The following RFTN1 variants were observed in gnomAD, a reference collection of about 807,000 sequenced individuals.
RFTN1 encodes the protein raftlin.
A neutral mutation model predicts 46.5 loss-of-function variants in RFTN1; 26 were observed. The observed-to-expected ratio is 0.56, with a 90% CI of 0.41 to 0.78. The LOEUF is 0.78. Among genes scored for constraint, RFTN1 ranks in the 30% least tolerant of loss-of-function variants. RFTN1 has a pLI of 0.00. For missense variants in RFTN1, 693 were observed against 718.7 expected, an observed-to-expected ratio of 0.96 and a Z score of 0.41; for synonymous variants, 261 against 284.2, an observed-to-expected ratio of 0.92 and a Z score of 0.82.
chr3:16,323,203 T>C (rs1370285310), intron 9 of RFTN1, among the ~76,000 whole-genome samples, 173 bp downstream of exon 9: 1 of 152,176 alleles, frequency 6.6e-6, no homozygotes, highest in Non-Finnish European at 1.5e-5. Flanking sequence ...TCCCCTCAGC[T>C]GTCCCGTTTT....
intron 2 of RFTN1, among the ~76,000 whole-genome samples, chr3:16,492,405 A>G (rs978883523): frequency 6.6e-6 from 1 of 152,154 alleles, no homozygotes; most frequent in African/African-American, 2.4e-5. Context: ...CCCCATTCTA[A>G]TCTTCACAAC....
intron 4 of RFTN1, among the ~76,000 whole-genome samples, chr3:16,396,366 T>C (rs2074469767): frequency 6.6e-6 from 1 of 152,188 alleles, no homozygotes; most frequent in South Asian, 2.1e-4. Flanking sequence ...CTAGCTCAGC[T>C]AGTGCACCTC....
At position 16,434,000 on chromosome 3, in the gene RFTN1, G is replaced by A; in HGVS notation, c.183C>T (p.Ser61=). Residue 61 remains serine (S), a synonymous_variant, in exon 3 of 10, where the codon TCC becomes TCT. Transcript: ENST00000334133. The surrounding 1 kb of genome is among the most constrained non-coding windows in gnomAD (Gnocchi z 4.4). ...GGAGCTGGGCGGGCAGGTCACGCAGGGAGGCCAGCCTCACTGCTGAGGACC... is the reference window on the plus strand; with the variant it reads ...GGAGCTGGGCGGGCAGGTCACGCAGAGAGGCCAGCCTCACTGCTGAGGACC... ...LPGSSAVRLA[S]LRDLPAQLLE... 1.2e-6 allele frequency: 2 copies of A among 1,611,996 alleles called. No homozygotes were observed. The highest frequency in any genetic ancestry group is 2.7e-5 in the African/African-American group (2 of 75,010).
rs2070870645 is a variant in RFTN1 at position 16,336,568 on chromosome 3, T to G, written c.1147-9692A>C. Among the ~76,000 whole-genome samples the G allele has an allele frequency of 6.6e-6, 1 of 152,234 alleles. No individual in the cohort carries two copies. Among genetic ancestry groups the G allele is most frequent in the African/African-American group, 2.4e-5 (1 of 41,458 alleles). On this transcript the variant is annotated intron_variant, in intron 7 of 9. Transcript: ENST00000334133. This position sits in a 1 kb window ranked among gnomAD's most constrained non-coding sequence, Gnocchi z 6.0. ...TATGCACAATGCCCCAGAAAAACAT[T>G]TTGCTGATATGTAATCAGGACAACA...
At chr3:16,375,164 A>G (rs1342140503) in intron 5 of RFTN1, among the ~76,000 whole-genome samples, 1 of 152,086 alleles carries the variant, frequency 6.6e-6, no homozygotes, top group Admixed American at 6.6e-5. Flanking sequence ...CTCTGAGAGA[A>G]GGCAAGCTGG....
intron 4 of RFTN1, among the ~76,000 whole-genome samples, chr3:16,401,429 G>A (rs1442434471): frequency 1.3e-5 from 2 of 151,966 alleles, no homozygotes; most frequent in African/African-American, 2.4e-5. Context: ...GAAGGCCTCT[G>A]CCTGTTTTAT....
chr3:16,318,753 C>G (rs1383472509), intron 9 of RFTN1, among the ~76,000 whole-genome samples: 6 of 152,168 alleles, frequency 3.9e-5, no homozygotes, highest in Non-Finnish European at 8.8e-5. Flanking sequence ...CCCCAAAAAA[C>G]CCAAATGAGT....
chr3:16,455,396 G>A (rs1391951559), intron 2 of RFTN1, among the ~76,000 whole-genome samples: 3 of 152,158 alleles, frequency 2.0e-5, no homozygotes, highest in Non-Finnish European at 4.4e-5. Context: ...CAAATCCACT[G>A]GGAAGAGACT....
chr3:16,430,465 A>C (rs572652922), intron 3 of RFTN1, among the ~76,000 whole-genome samples: 3 of 152,042 alleles, frequency 2.0e-5, no homozygotes, highest in African/African-American at 7.2e-5. Context: ...TTTCCCCATA[A>C]TACAAAAAAA....
At position 16,383,656 on chromosome 3, in the gene RFTN1, A is replaced by G. The variant is rs1227494882; in HGVS notation, c.442-5554T>C. ...TAAGTGCGATATATACTCTATGTGC[A>G]TGCGAATATACGTATTTGTGATTTA... On this transcript the variant is annotated intron_variant, in intron 4 of 9. Coordinates refer to ENST00000334133, the MANE Select transcript of RFTN1 (RefSeq NM_015150.2). The surrounding 1 kb of genome is among the most constrained non-coding windows in gnomAD (Gnocchi z 4.0). Among the ~76,000 whole-genome samples, 2 of 152,240 alleles carry G rather than the reference A, an allele frequency of 1.3e-5. No homozygotes were observed. Among genetic ancestry groups the G allele is most frequent in the Non-Finnish European group, 2.9e-5 (2 of 68,046 alleles).
In RFTN1 at chr3:16,383,561, AAT is replaced by A. The variant is rs1421748988; in HGVS notation, c.442-5461_442-5460del. Among the ~76,000 whole-genome samples, 1 of 152,258 alleles carries A rather than the reference AAT, an allele frequency of 6.6e-6. No individual in the cohort carries two copies. The highest frequency in any genetic ancestry group is 1.5e-5 in the Non-Finnish European group (1 of 68,046). On this transcript the variant is annotated intron_variant, in intron 4 of 9. Transcript: ENST00000334133. The surrounding 1 kb of genome is among the most constrained non-coding windows in gnomAD (Gnocchi z 4.0). ...TTGAGGAATTATTTTTATTAAAAAT[AAT>A]ATGACATTAGATTTCTAGGATGGAT... is the stretch of plus-strand genomic sequence containing the variant.
intron 4 of RFTN1, among the ~76,000 whole-genome samples, chr3:16,386,025 A>G (rs2074160190): frequency 6.6e-6 from 1 of 152,244 alleles, no homozygotes; most frequent in Non-Finnish European, 1.5e-5. Context: ...ATCAAACTTC[A>G]AAATGTTATG....
chr3:16,356,994 A>G lies in RFTN1; in HGVS notation c.1146+938T>C, dbSNP rs2125330565. Among the ~76,000 whole-genome samples, 1 of 152,182 alleles carries G rather than the reference A, an allele frequency of 6.6e-6. No homozygotes were observed. On this transcript the variant is annotated intron_variant, in intron 7 of 9. Transcript: ENST00000334133. The surrounding 1 kb of genome is among the most constrained non-coding windows in gnomAD (Gnocchi z 4.9). ...GCTGGGTGTGGTGGCGGGTGCCTGT[A>G]GTCCCAGCTACTCTGGAGGCTGAGG...
At chr3:16,332,169 T>G (rs994039128) in intron 7 of RFTN1, among the ~76,000 whole-genome samples, 2 of 152,082 alleles carry the variant, frequency 1.3e-5, no homozygotes, top group Non-Finnish European at 2.9e-5. Context: ...TTCTGAAAAA[T>G]GTATTTTTCC....
At chr3:16,360,820 G>A (rs1373903817) in intron 6 of RFTN1, among the ~76,000 whole-genome samples, 1 of 152,072 alleles carries the variant, frequency 6.6e-6, no homozygotes, top group Non-Finnish European at 1.5e-5. Flanking sequence ...AAATATTATG[G>A]GAATTTAATG....
chr3:16,425,871 G>A lies in RFTN1; in HGVS notation c.332+7980C>T, dbSNP rs1310928253. Among the ~76,000 whole-genome samples, 1 of 152,072 alleles carries A rather than the reference G, an allele frequency of 6.6e-6. No homozygotes were observed. The highest frequency in any genetic ancestry group is 1.5e-5 in the Non-Finnish European group (1 of 68,020). ...TCCTCAGGGGGTACGGTGGCAGCCC[G>A]GAGAGCTAATCAAATCCTCCACACC... On this transcript the variant is annotated intron_variant, in intron 3 of 9. Transcript: ENST00000334133. The surrounding 1 kb of genome is among the most constrained non-coding windows in gnomAD (Gnocchi z 4.3).
At chr3:16,354,743 C>CT (rs1184322257) in intron 7 of RFTN1, among the ~76,000 whole-genome samples, 1 of 152,214 alleles carries the variant, frequency 6.6e-6, no homozygotes, top group Non-Finnish European at 1.5e-5. Flanking sequence ...TTAAGCTCTG[C>CT]TTCCCTTTTG....
Position 16,361,708 on chromosome 3 carries a change from G to A in RFTN1, c.1031-3661C>T, listed in dbSNP as rs1464774370. Among the ~76,000 whole-genome samples, 2 of 152,180 alleles carry A rather than the reference G, an allele frequency of 1.3e-5. No individual in the cohort carries two copies. On this transcript the variant is annotated intron_variant, in intron 6 of 9. Transcript: ENST00000334133. The surrounding 1 kb of genome is among the most constrained non-coding windows in gnomAD (Gnocchi z 4.3). The stretch of plus-strand genomic sequence containing the variant: ...GACTGGTGGGGAGGCCAGCCACTTA[G>A]GGCTCTGTTCATCTGACTTGCTTGG...
intron 2 of RFTN1, among the ~76,000 whole-genome samples, chr3:16,463,542 T>A (rs1244875947): frequency 6.6e-6 from 1 of 152,198 alleles, no homozygotes; most frequent in African/African-American, 2.4e-5. Flanking sequence ...TAGATTCCAA[T>A]TCTTTGTTTA....
Sources: gnomAD v4.1 joint callset for allele counts (sites outside exome capture counted in the v4.1 genomes callset) on GRCh38, gnomAD v4.1.1 for gene constraint, Gnocchi (gnomAD v3.1) non-coding constraint, MANE v1.5 for transcripts, NCBI Gene and HGNC (gene_info 2026-07-23, HGNC 2026-07-21) for gene names.